The following LSAMP variants were observed in gnomAD, a reference collection of about 807,000 sequenced individuals.
LSAMP encodes limbic system associated membrane protein.
A neutral mutation model predicts 38.6 loss-of-function variants in LSAMP; 7 were observed. That is an observed-to-expected ratio of 0.18 (90% CI 0.10 to 0.34). The LOEUF is 0.34. Among genes scored for constraint, LSAMP ranks in the 10% least tolerant of loss-of-function variants. LSAMP has a pLI of 1.00. For synonymous variants in LSAMP, 154 were observed against 166.8 expected, an observed-to-expected ratio of 0.92 and a Z score of 0.59; for missense variants, 313 against 420.0, an observed-to-expected ratio of 0.75 and a Z score of 2.23.
chr3:116,305,348 T>C (rs945731805), intron 1 of LSAMP, among the ~76,000 whole-genome samples: 2 of 152,110 alleles, frequency 1.3e-5, no homozygotes, highest in South Asian at 2.1e-4. Flanking sequence ...ACTAAAATAC[T>C]GTATGGTTTA....
intron 1 of LSAMP, among the ~76,000 whole-genome samples, chr3:116,338,461 C>T (rs2047950672): frequency 6.6e-6 from 1 of 151,980 alleles, no homozygotes. Context: ...TAGACATCTC[C>T]ACATACGATC....
At chr3:115,860,157 A>G (rs1318469419) in intron 3 of LSAMP, among the ~76,000 whole-genome samples, 4 of 152,254 alleles carry the variant, frequency 2.6e-5, no homozygotes, top group Non-Finnish European at 5.9e-5. Context: ...ACCTCTTAAT[A>G]AACACTTGCT....
chr3:116,302,409 A>AGTT (rs2047422377), intron 1 of LSAMP, among the ~76,000 whole-genome samples: 1 of 152,186 alleles, frequency 6.6e-6, no homozygotes, highest in Non-Finnish European at 1.5e-5. Context: ...TTTTTCCAAC[A>AGTT]GTTACTTAGA....
At chr3:116,039,889 C>A (rs146295400) in intron 2 of LSAMP, among the ~76,000 whole-genome samples, 1 of 152,290 alleles carries the variant, frequency 6.6e-6, no homozygotes, top group East Asian at 1.9e-4. Flanking sequence ...TTAAGGTTCA[C>A]CTTTCAAAGT....
At chr3:115,914,884 A>G (rs1576214195) in intron 3 of LSAMP, among the ~76,000 whole-genome samples, 1 of 152,104 alleles carries the variant, frequency 6.6e-6, no homozygotes, top group Non-Finnish European at 1.5e-5. Flanking sequence ...CACTGCTGGG[A>G]AGATGGAATT....
At chr3:116,204,345 G>T (rs377547571) in intron 1 of LSAMP, among the ~76,000 whole-genome samples, 1 of 152,022 alleles carries the variant, frequency 6.6e-6, no homozygotes, top group South Asian at 2.1e-4. Context: ...CTCCCATTTT[G>T]TAGGTTGCCT....
In LSAMP at chr3:116,209,658, G is replaced by A. The variant is rs943061469; in HGVS notation, c.156-123102C>T. On this transcript the variant is annotated intron_variant, in intron 1 of 6. Transcript: ENST00000490035. ...AGACAAGCTAAGGTGGAGCCCAAAC[G>A]CAAACAGTGATCAATGACTTGGCTG... Among the ~76,000 whole-genome samples, 40 of 152,190 alleles carry A rather than the reference G, an allele frequency of 2.6e-4. 1 individual carries two copies. Among genetic ancestry groups the A allele is most frequent in the African/African-American group, 8.7e-4 (36 of 41,530 alleles).
At chr3:116,257,612 A>C (rs2046768783) in intron 1 of LSAMP, among the ~76,000 whole-genome samples, 1 of 152,190 alleles carries the variant, frequency 6.6e-6, no homozygotes, top group Non-Finnish European at 1.5e-5. Context: ...TAAAATAAAC[A>C]ACAAAACAGA....
At chr3:116,106,469 A>G (rs967308724) in intron 1 of LSAMP, among the ~76,000 whole-genome samples, 5 of 152,316 alleles carry the variant, frequency 3.3e-5, no homozygotes, top group Non-Finnish European at 7.3e-5. Context: ...TGTACCTTGT[A>G]GCATTCTGAG....
chr3:116,156,107 C>G (rs776982564), intron 1 of LSAMP, among the ~76,000 whole-genome samples: 6 of 152,102 alleles, frequency 3.9e-5, no homozygotes, highest in Non-Finnish European at 7.4e-5. Context: ...TGATTTAGGA[C>G]ACTGGTGAAA....
chr3:116,285,234 T>C (rs1303515878), intron 1 of LSAMP, among the ~76,000 whole-genome samples: 1 of 152,120 alleles, frequency 6.6e-6, no homozygotes, highest in African/African-American at 2.4e-5. Context: ...ATATCACTGT[T>C]CTGCAATGGC....
chr3:116,089,076 A>T (rs6795841), intron 1 of LSAMP, among the ~76,000 whole-genome samples: 151,112 of 152,336 alleles, frequency 0.99, 74,963 homozygotes, highest in Middle Eastern at 1. Flanking sequence ...ATTTTAGCAA[A>T]TTTCATTCAT....
intron 4 of LSAMP, among the ~76,000 whole-genome samples, chr3:115,848,448 T>C (rs2972477): frequency 0.37 from 55,726 of 152,042 alleles, 10,882 homozygotes; most frequent in African/African-American, 0.5. Flanking sequence ...AAAAAAGTTA[T>C]TTTCCTAATG....
chr3:116,382,572 G>A (rs1473621409), intron 1 of LSAMP, among the ~76,000 whole-genome samples: 2 of 151,780 alleles, frequency 1.3e-5, no homozygotes, highest in South Asian at 2.1e-4. Context: ...GTTAATGGGT[G>A]CAGCACACCA....
At chr3:116,151,998 A>G (rs1032782558) in intron 1 of LSAMP, among the ~76,000 whole-genome samples, 2 of 152,148 alleles carry the variant, frequency 1.3e-5, no homozygotes, top group East Asian at 3.9e-4. Context: ...TACCTTTTAA[A>G]TTTATCTGAT....
chr3:116,292,968 A>G (rs1315883331), intron 1 of LSAMP, among the ~76,000 whole-genome samples: 1 of 152,214 alleles, frequency 6.6e-6, no homozygotes, highest in Non-Finnish European at 1.5e-5. Context: ...GTCAGCCTTA[A>G]CAAAAGGAAG....
chr3:116,436,025 C>G (rs2049345414), intron 1 of LSAMP, among the ~76,000 whole-genome samples: 1 of 152,150 alleles, frequency 6.6e-6, no homozygotes, highest in Non-Finnish European at 1.5e-5. Flanking sequence ...TTGTGAGGAA[C>G]AAGTGATCCT....
At chr3:115,839,242 CTTCCTTCCTTCCTTCTTTCT>C (rs1297795360) in intron 6 of LSAMP, among the ~76,000 whole-genome samples, 7 of 102,874 alleles carry the variant, frequency 6.8e-5, no homozygotes, top group Admixed American at 1.1e-4. Flanking sequence ...TCCTTCTTTC[CTTCCTTCCTTCCTTCTTTCT>C]TTCCTTCCTT....
At position 115,966,336 on chromosome 3, in the gene LSAMP, C is replaced by A. The variant is rs4306851; in HGVS notation, c.514+53179G>T. On this transcript the variant is annotated intron_variant, in intron 3 of 6. Transcript: ENST00000490035. ...GAGTGCCTTACCATCTCTGGAATAA[C>A]CACCTCCAGGCTTCTTGAACCTGAG... Among the ~76,000 whole-genome samples, 580 of 152,100 alleles carry A rather than the reference C, an allele frequency of 3.8e-3. 3 individuals carry two copies. The highest frequency in any genetic ancestry group is 0.013 in the African/African-American group (546 of 41,460).
Sources: gnomAD v4.1 joint callset for allele counts (sites outside exome capture counted in the v4.1 genomes callset) on GRCh38, gnomAD v4.1.1 for gene constraint, MANE v1.5 for transcripts, NCBI Gene and HGNC (gene_info 2026-07-23, HGNC 2026-07-21) for gene names.